Variants in ATP2C2 observed in about 807,000 individuals in gnomAD.
ATP2C2 encodes calcium-transporting ATPase type 2C member 2.
In ATP2C2, 171 loss-of-function variants were observed where a neutral mutation model predicts 110.8. The ratio of observed to expected loss-of-function variants is 1.54; its 90% confidence interval spans 1.36 to 1.75. ATP2C2 has a LOEUF of 1.75. Ranked by LOEUF, ATP2C2 falls within the 40% of genes most tolerant of loss-of-function variation. The probability of loss-of-function intolerance (pLI) is 0.00; values close to 1 mark genes in which losing one functional copy is unlikely to be tolerated. For missense variants in ATP2C2, 1,963 were observed against 1,235.0 expected, an observed-to-expected ratio of 1.59 and a Z score of -8.84; for synonymous variants, 804 against 508.4, an observed-to-expected ratio of 1.58 and a Z score of -7.82.
Position 84,393,028 on chromosome 16 carries a change from TCA to T in ATP2C2, c.100-5470_100-5469del, listed in dbSNP as rs1243906973. 5.8e-4 allele frequency among the ~76,000 whole-genome samples: 88 copies of T among 152,268 alleles called. No homozygotes were observed. The Middle Eastern group carries it at 0.01, about 18-fold the overall frequency. On this transcript the variant is annotated intron_variant, in intron 1 of 26. Coordinates refer to ENST00000262429, the MANE Select transcript of ATP2C2 (RefSeq NM_014861.4). ...AGTTTGTTTCCAGTTTTTGAGTGCC[TCA>T]GCTTCAAGGTGGGCCATTCTGGGTC...
In ATP2C2 at chr16:84,459,605, C is replaced by G. The variant is rs1223367543; in HGVS notation, c.2333+219C>G. On this transcript the variant is annotated intron_variant, in intron 23 of 26. Coordinates refer to ENST00000262429, the MANE Select transcript of ATP2C2 (RefSeq NM_014861.4). ...CCGGCAGAGCTGGGTGAGGATGGAA[C>G]TTTCTGCTCCCTCTGCCTGGATGCT... is the stretch of plus-strand genomic sequence containing the variant. 5.2e-6 allele frequency: 8 copies of G among 1,533,214 alleles called. No homozygotes were observed. In the Admixed American group the frequency reaches 1.4e-4, roughly 26 times the overall value. The allele number at this position is 1,533,214 out of a possible 1,614,324, so 95.0% of individuals were successfully genotyped here.
Position 84,459,139 on chromosome 16 carries a change from A to T in ATP2C2, c.2167A>T (p.Lys723Ter). ...TTGCAGGAATGCAGTGGAGGAAGGC[A>T]AGGGTATTTTTTACAACATCAAAAA... is the stretch of plus-strand genomic sequence containing the variant. ...SAIMNAVEEG[K>*]GIFYNIKNFV... Residue 723 changes from lysine (K) to a stop codon, truncating the protein, a stop_gained, in exon 22 of 27, where the codon AAG (lysine) becomes TAG (stop). Transcript: ENST00000262429. LOFTEE classifies it high-confidence loss of function. The T allele has an allele frequency of 6.2e-7, 1 of 1,614,118 alleles. No homozygotes were observed. The highest frequency in any genetic ancestry group is 8.5e-7 in the Non-Finnish European group (1 of 1,180,012).
At chr16:84,446,931 C>T (rs1435782702) in intron 16 of ATP2C2, among the ~76,000 whole-genome samples, 1 of 152,166 alleles carries the variant, frequency 6.6e-6, no homozygotes, top group African/African-American at 2.4e-5. Context: ...GGGAGCAAAT[C>T]CTTCAGTACG....
chr16:84,386,509 G>A (rs764054831), intron 1 of ATP2C2, among the ~76,000 whole-genome samples: 1 of 152,114 alleles, frequency 6.6e-6, no homozygotes. Context: ...CTGCCTAGCC[G>A]TCTCCTCTTG....
chr16:84,376,175 G>T (rs1471861037), intron 1 of ATP2C2, among the ~76,000 whole-genome samples: 4 of 152,126 alleles, frequency 2.6e-5, no homozygotes, highest in Non-Finnish European at 5.9e-5. Context: ...AAGTAGTTTG[G>T]GTCAGCACAT....
chr16:84,463,816 A>C lies in ATP2C2; in HGVS notation c.*84A>C. On this transcript the variant is annotated 3_prime_UTR_variant, in exon 27 of 27. Coordinates refer to ENST00000262429, the MANE Select transcript of ATP2C2 (RefSeq NM_014861.4). Reference sequence around the variant, plus strand: ...CTGCCGTGTCTCCTCGTCAGGGGAGACTTTTAGGAGGCCGCAGCCTTCCAT... The same window carrying C: ...CTGCCGTGTCTCCTCGTCAGGGGAGCCTTTTAGGAGGCCGCAGCCTTCCAT... 8 of 1,244,752 alleles carry C rather than the reference A, an allele frequency of 6.4e-6. No homozygotes were observed. The South Asian group carries it at 9.9e-5, about 15-fold the overall frequency. 77.1% of individuals were successfully genotyped at this position (1,244,752 alleles called of 1,614,324 possible).
chr16:84,453,699 C>T (rs530903927), intron 20 of ATP2C2, among the ~76,000 whole-genome samples: 2 of 152,152 alleles, frequency 1.3e-5, no homozygotes, highest in South Asian at 2.1e-4. Context: ...TGTAGCTGGG[C>T]GGACACGAGC....
chr16:84,453,092 G>C, intron 18 of ATP2C2, 46 bp from the exon 19 acceptor site: 1 of 1,552,378 alleles, frequency 6.4e-7, no homozygotes, highest in Non-Finnish European at 8.7e-7. Context: ...GTGAGGGGTG[G>C]GGACGCGGGC....
At position 84,459,142 on chromosome 16, in the gene ATP2C2, G is replaced by A. The variant is rs1440723163; in HGVS notation, c.2170G>A (p.Gly724Ser). The A allele has an allele frequency of 1.9e-6, 3 of 1,614,150 alleles. No homozygotes were observed. Among genetic ancestry groups the A allele is most frequent in the Admixed American group, 3.3e-5 (2 of 60,032 alleles). Reference sequence around the variant, plus strand: ...CAGGAATGCAGTGGAGGAAGGCAAGGGTATTTTTTACAACATCAAAAACTT... The same window carrying A: ...CAGGAATGCAGTGGAGGAAGGCAAGAGTATTTTTTACAACATCAAAAACTT... Reference protein sequence around the residue: ...AIMNAVEEGKGIFYNIKNFVR... With the variant: ...AIMNAVEEGKSIFYNIKNFVR... Residue 724 changes from glycine to serine, a missense_variant, in exon 22 of 27, where the codon GGT (glycine) becomes AGT (serine). Transcript: ENST00000262429.
At chr16:84,461,500 A>G in intron 24 of ATP2C2, 1 of 616,216 alleles carries the variant, frequency 1.6e-6, no homozygotes. Flanking sequence ...CCCTGCCCCC[A>G]TCCTCATGGT....
chr16:84,437,347 C>G (rs111568494), intron 11 of ATP2C2, among the ~76,000 whole-genome samples: 1 of 151,792 alleles, frequency 6.6e-6, no homozygotes, highest in Non-Finnish European at 1.5e-5. Context: ...GTGCACACTG[C>G]CACACCCAGC....
At chr16:84,391,108 A>C (rs1904631172) in intron 1 of ATP2C2, among the ~76,000 whole-genome samples, 1 of 108,398 alleles carries the variant, frequency 9.2e-6, no homozygotes, top group Non-Finnish European at 1.9e-5. Flanking sequence ...AGTGAGACTC[A>C]GACTCAAAAA....
chr16:84,373,594 G>A (rs189384070), intron 1 of ATP2C2, among the ~76,000 whole-genome samples: 23 of 152,240 alleles, frequency 1.5e-4, no homozygotes, highest in Admixed American at 8.5e-4. Context: ...TATTCTATTC[G>A]TTTGATGCAA....
At chr16:84,424,742 A>G (rs566808540) in intron 10 of ATP2C2, among the ~76,000 whole-genome samples, 2 of 152,220 alleles carry the variant, frequency 1.3e-5, no homozygotes, top group South Asian at 2.1e-4. Context: ...GCCAATTCCC[A>G]TGGTGCAAAT....
At chr16:84,404,741 C>G (rs1317138421) in intron 2 of ATP2C2, 4 of 355,760 alleles carry the variant, frequency 1.1e-5, no homozygotes, top group Admixed American at 3.9e-5. Flanking sequence ...TGGTAGCTCC[C>G]TTTTTAATTT....
intron 14 of ATP2C2, among the ~76,000 whole-genome samples, chr16:84,441,507 C>T (rs563431413): frequency 6.6e-6 from 1 of 152,306 alleles, no homozygotes; most frequent in South Asian, 2.1e-4. Flanking sequence ...GCTCCCTCCT[C>T]CCCATGTAGC....
chr16:84,448,433 C>A (rs144977653), intron 16 of ATP2C2, 100 bp from the exon 17 acceptor site: 9 of 1,382,262 alleles, frequency 6.5e-6, no homozygotes, highest in African/African-American at 1.5e-5. Flanking sequence ...CTGCAAAGAT[C>A]CCCGTGTGTG....
intron 7 of ATP2C2, among the ~76,000 whole-genome samples, chr16:84,420,763 C>G (rs969989462): frequency 4.6e-5 from 7 of 152,204 alleles, no homozygotes; most frequent in African/African-American, 1.7e-4. Flanking sequence ...TTGGCTGTGA[C>G]AGTTTCTGAT....
At chr16:84,460,572 G>C (rs748760232) in intron 23 of ATP2C2, 82 bp from the exon 24 acceptor site, 147 of 1,598,342 alleles carry the variant, frequency 9.2e-5, no homozygotes, top group Non-Finnish European at 1.2e-4. Flanking sequence ...ACTTGGCCTG[G>C]GAGGCTCAGG....
Sources: gnomAD v4.1 joint callset for allele counts (sites outside exome capture counted in the v4.1 genomes callset) on GRCh38, gnomAD v4.1.1 for gene constraint, MANE v1.5 for transcripts, NCBI Gene and HGNC (gene_info 2026-07-23, HGNC 2026-07-21) for gene names.